SHLD1: variants seen among roughly 807,000 people sequenced by gnomAD.
SHLD1 encodes the protein RINN1-REV7-interacting novel NHEJ regulator 3.
SHLD1 carries 3 observed loss-of-function variants against 5.5 expected under a neutral mutation model. The ratio of observed to expected loss-of-function variants is 0.54; its 90% confidence interval spans 0.25 to 1.40. The LOEUF (loss-of-function observed/expected upper bound fraction) is 1.40, where lower values mean the gene tolerates loss of function less well. Ranked by LOEUF, SHLD1 falls within the 40% of genes most tolerant of loss-of-function variation. The pLI is 0.15. For missense variants in SHLD1, 210 were observed against 244.4 expected (o/e 0.86, Z 0.94); for synonymous variants, 92 against 94.3 (o/e 0.98, Z 0.14).
intron 1 of SHLD1, chr20:5,772,268 T>C: frequency 2.4e-6 from 1 of 415,338 alleles, no homozygotes; most frequent in Non-Finnish European, 4.9e-6. Context: ...TTTGGGGCCA[T>C]TAATAAGTAA....
chr20:5,798,547 C>T (rs541670160), intron 2 of SHLD1, among the ~76,000 whole-genome samples: 116 of 151,862 alleles, frequency 7.6e-4, no homozygotes, highest in African/African-American at 2.7e-3. Context: ...TGTGATCCGC[C>T]CGCCTCGGCC....
chr20:5,773,749 G>A lies in SHLD1; in HGVS notation c.178+706G>A, dbSNP rs945057233. Reference sequence around the variant, plus strand: ...ACTTGCTGGCTATGTGACTTGGGGCGTGTTCCTTAACCCCTCTGAGCTCCA... The same window carrying A: ...ACTTGCTGGCTATGTGACTTGGGGCATGTTCCTTAACCCCTCTGAGCTCCA... On this transcript the variant is annotated intron_variant, in intron 2 of 2. Transcript: ENST00000303142. Among the ~76,000 whole-genome samples, 14 of 152,206 alleles carry A rather than the reference G, an allele frequency of 9.2e-5. 1 individual carries two copies. The highest frequency in any genetic ancestry group is 3.9e-4 in the Admixed American group (6 of 15,254).
At chr20:5,756,825 C>T (rs1984141765) in intron 1 of SHLD1, 2 of 264,198 alleles carry the variant, frequency 7.6e-6, no homozygotes, top group South Asian at 6.9e-5. Flanking sequence ...TAAGCCACCA[C>T]ATCTGGCCTA....
intron 2 of SHLD1, among the ~76,000 whole-genome samples, chr20:5,835,597 G>A (rs535025701): frequency 1.1e-4 from 17 of 152,264 alleles, no homozygotes; most frequent in African/African-American, 4.1e-4. Context: ...GCAGAGAGTT[G>A]AGAATGTGTT....
Position 5,863,533 on chromosome 20 carries a change from C to T in SHLD1, c.*70C>T. On this transcript the variant is annotated 3_prime_UTR_variant, in exon 3 of 3. Coordinates refer to ENST00000303142, the MANE Select transcript of SHLD1 (RefSeq NM_152504.4). ...ATGACCAGCAGTGTTGGTGGCCACC[C>T]AGATCCCCTAGGGTCTCTGGCCAGC... is the stretch of plus-strand genomic sequence containing the variant. The T allele has an allele frequency of 6.9e-7, 1 of 1,458,254 alleles. No individual in the cohort carries two copies. Among genetic ancestry groups the T allele is most frequent in the Non-Finnish European group, 9.3e-7 (1 of 1,077,426 alleles). The allele number at this position is 1,458,254 out of a possible 1,614,324, so 90.3% of individuals were successfully genotyped here.
At chr20:5,795,771 G>A (rs769781207) in intron 2 of SHLD1, among the ~76,000 whole-genome samples, 91 of 151,884 alleles carry the variant, frequency 6.0e-4, no homozygotes, top group Non-Finnish European at 1.2e-3. Flanking sequence ...CACGAGGTCA[G>A]GAGATCGAGA....
At chr20:5,796,992 T>C (rs1205236487) in intron 2 of SHLD1, among the ~76,000 whole-genome samples, 2 of 152,076 alleles carry the variant, frequency 1.3e-5, no homozygotes, top group Non-Finnish European at 2.9e-5. Flanking sequence ...GCCAGGAAAA[T>C]GAGAAGTATT....
intron 2 of SHLD1, among the ~76,000 whole-genome samples, chr20:5,804,952 T>TG (rs1204205411): frequency 6.6e-6 from 1 of 152,206 alleles, no homozygotes; most frequent in Non-Finnish European, 1.5e-5. Context: ...GCAGGAGGCC[T>TG]GGCAGCATTC....
At chr20:5,758,866 G>A (rs1984289821) in intron 1 of SHLD1, among the ~76,000 whole-genome samples, 1 of 151,242 alleles carries the variant, frequency 6.6e-6, no homozygotes, top group African/African-American at 2.4e-5. Context: ...GGTCTTTTGA[G>A]AAGTCTGTGG....
At chr20:5,816,062 C>T (rs1177137501) in intron 2 of SHLD1, among the ~76,000 whole-genome samples, 3 of 114,282 alleles carry the variant, frequency 2.6e-5, no homozygotes, top group Non-Finnish European at 4.9e-5. Flanking sequence ...GTCTGGGTGA[C>T]AGAGTGAGAC....
At chr20:5,753,244 A>T (rs946617286) in intron 1 of SHLD1, among the ~76,000 whole-genome samples, 6 of 152,254 alleles carry the variant, frequency 3.9e-5, no homozygotes, top group African/African-American at 1.4e-4. Flanking sequence ...TGTAGGATGT[A>T]TCCTAACCTA....
chr20:5,763,118 C>T (rs530921429), intron 1 of SHLD1, among the ~76,000 whole-genome samples: 1 of 151,858 alleles, frequency 6.6e-6, no homozygotes, highest in Non-Finnish European at 1.5e-5. Context: ...ACCAGCCTGA[C>T]CAACACGCAG....
intron 2 of SHLD1, among the ~76,000 whole-genome samples, chr20:5,849,948 A>T (rs1204513107): frequency 7.2e-6 from 1 of 138,678 alleles, no homozygotes; most frequent in East Asian, 2.1e-4. Flanking sequence ...CCTGGGCGAC[A>T]GAGCGAGACT....
intron 2 of SHLD1, among the ~76,000 whole-genome samples, chr20:5,789,301 G>C (rs2087105789): frequency 6.6e-6 from 1 of 151,546 alleles, no homozygotes; most frequent in African/African-American, 2.4e-5. Context: ...AATTGGCCAG[G>C]TGCAGTGGCT....
chr20:5,854,963 T>C (rs1247710357), intron 2 of SHLD1, among the ~76,000 whole-genome samples: 1 of 151,508 alleles, frequency 6.6e-6, no homozygotes, highest in African/African-American at 2.4e-5. Flanking sequence ...TGCCTTGATC[T>C]CCTGGACTCA....
chr20:5,765,034 C>G (rs1052593654), intron 1 of SHLD1: 3 of 150,186 alleles, frequency 2.0e-5, no homozygotes, highest in African/African-American at 7.5e-5. Flanking sequence ...CCCAGGGAAC[C>G]CTACTCTCCA....
chr20:5,769,511 C>T (rs1406944445), intron 1 of SHLD1, among the ~76,000 whole-genome samples: 3 of 152,156 alleles, frequency 2.0e-5, no homozygotes, highest in East Asian at 1.9e-4. Context: ...ATATGTACTA[C>T]GTTTTTTCCT....
intron 1 of SHLD1, among the ~76,000 whole-genome samples, chr20:5,751,451 C>A (rs916184193): frequency 6.6e-6 from 1 of 152,020 alleles, no homozygotes; most frequent in Non-Finnish European, 1.5e-5. Context: ...GGACTACAGG[C>A]GCCTGCCACC....
chr20:5,786,445 T>C (rs370936228), intron 2 of SHLD1, among the ~76,000 whole-genome samples: 41 of 152,208 alleles, frequency 2.7e-4, no homozygotes, highest in African/African-American at 9.2e-4. Flanking sequence ...CATGGTAGCA[T>C]GCACCTACAG....
Sources: gnomAD v4.1 joint callset for allele counts (sites outside exome capture counted in the v4.1 genomes callset) on GRCh38, gnomAD v4.1.1 for gene constraint, MANE v1.5 for transcripts, NCBI Gene and HGNC (gene_info 2026-07-23, HGNC 2026-07-21) for gene names.